GLG1: variants seen among roughly 807,000 people sequenced by gnomAD.
GLG1 encodes the protein Golgi apparatus protein 1.
A neutral mutation model predicts 160.5 loss-of-function variants in GLG1; 38 were observed. That is an observed-to-expected ratio of 0.24 (90% CI 0.18 to 0.31). GLG1 has a LOEUF of 0.31. GLG1 is among the 10% of genes least tolerant of loss of function. The pLI is 1.00. For synonymous variants in GLG1, 644 were observed against 543.4 expected (o/e 1.19, Z -2.57); for missense variants, 1,373 against 1,505.2 (o/e 0.91, Z 1.45).
intron 2 of GLG1, among the ~76,000 whole-genome samples, chr16:74,517,375 G>C (rs1003434499): frequency 1.3e-5 from 2 of 152,104 alleles, no homozygotes; most frequent in Admixed American, 6.5e-5. Context: ...TTCATCCCTG[G>C]GATGCAAGGC....
intron 20 of GLG1, 68 bp from the exon 21 acceptor site, chr16:74,462,698 C>G: frequency 7.0e-7 from 1 of 1,432,946 alleles, no homozygotes; most frequent in Non-Finnish European, 9.8e-7. Flanking sequence ...AGATATCCAC[C>G]TTCCTAAAGG....
intron 1 of GLG1, among the ~76,000 whole-genome samples, chr16:74,580,719 G>C (rs982814084): frequency 2.6e-5 from 4 of 152,114 alleles, no homozygotes; most frequent in Non-Finnish European, 5.9e-5. Context: ...GAGTGAAAAG[G>C]CAACCTATGA....
chr16:74,469,831 C>G, intron 16 of GLG1, 154 bp downstream of exon 16: 1 of 636,022 alleles, frequency 1.6e-6, no homozygotes, highest in South Asian at 1.8e-5. Context: ...CCAGACAGTC[C>G]GAGTGTTTGC....
chr16:74,506,943 C>G (rs1464423383), intron 3 of GLG1, among the ~76,000 whole-genome samples: 1 of 152,254 alleles, frequency 6.6e-6, no homozygotes, highest in East Asian at 1.9e-4. Flanking sequence ...ATGCTGCAGT[C>G]ACTCTATTTT....
rs2014391098 is a variant in GLG1, at chr16:74,453,115, G to A, written c.*52C>T. The A allele has an allele frequency of 2.3e-5, 36 of 1,594,526 alleles. No individual in the cohort carries two copies. The highest frequency in any genetic ancestry group is 2.9e-5 in the Non-Finnish European group (34 of 1,170,204). On this transcript the variant is annotated 3_prime_UTR_variant, in exon 26 of 26. Coordinates refer to ENST00000422840, the MANE Select transcript of GLG1 (RefSeq NM_001145667.2). ...GTGAGTGGGGATGCTATACAAGAGG[G>A]CTGTACAAACTGGGCACTGGATAGG...
At chr16:74,588,022 C>G (rs1012667721) in intron 1 of GLG1, among the ~76,000 whole-genome samples, 5 of 150,514 alleles carry the variant, frequency 3.3e-5, no homozygotes, top group Admixed American at 2.7e-4. Context: ...CTGAAAACTA[C>G]AAAAGAAAAC....
At chr16:74,598,270 C>T (rs1388719682) in intron 1 of GLG1, among the ~76,000 whole-genome samples, 1 of 151,796 alleles carries the variant, frequency 6.6e-6, no homozygotes, top group Non-Finnish European at 1.5e-5. Flanking sequence ...GCCTGTAATC[C>T]CAGCACTTTG....
intron 24 of GLG1, among the ~76,000 whole-genome samples, 176 bp downstream of exon 24, chr16:74,457,698 A>G (rs949421919): frequency 1.3e-5 from 2 of 152,194 alleles, no homozygotes; most frequent in East Asian, 1.9e-4. Flanking sequence ...TCCTAAATTC[A>G]TGATGCCATA....
chr16:74,524,534 G>T (rs1386005549), intron 2 of GLG1, among the ~76,000 whole-genome samples: 1 of 151,012 alleles, frequency 6.6e-6, no homozygotes, highest in Non-Finnish European at 1.5e-5. Context: ...CAGTACTATG[G>T]TCTTTTTTTT....
At chr16:74,549,773 A>C (rs1285965937) in intron 1 of GLG1, among the ~76,000 whole-genome samples, 1 of 151,862 alleles carries the variant, frequency 6.6e-6, no homozygotes, top group Non-Finnish European at 1.5e-5. Flanking sequence ...AGTTTGGATG[A>C]AGTCCACAAT....
At chr16:74,493,251 G>T in intron 6 of GLG1, 111 bp from the exon 7 acceptor site, 1 of 640,150 alleles carries the variant, frequency 1.6e-6, no homozygotes, top group Non-Finnish European at 2.7e-6. Context: ...AACAACTGCA[G>T]TTATTACCAA....
At chr16:74,536,791 G>T (rs2017699270) in intron 1 of GLG1, among the ~76,000 whole-genome samples, 1 of 152,148 alleles carries the variant, frequency 6.6e-6, no homozygotes. Flanking sequence ...TTTTTCAAAT[G>T]ATAGGAAGAA....
At chr16:74,552,900 G>A (rs2018242171) in intron 1 of GLG1, among the ~76,000 whole-genome samples, 1 of 151,966 alleles carries the variant, frequency 6.6e-6, no homozygotes, top group East Asian at 1.9e-4. Flanking sequence ...TGTGTCACAG[G>A]CCCTTATTTT....
intron 1 of GLG1, among the ~76,000 whole-genome samples, chr16:74,543,392 A>G (rs1456549877): frequency 1.3e-5 from 2 of 152,218 alleles, no homozygotes; most frequent in African/African-American, 4.8e-5. Flanking sequence ...TCTTAAGACC[A>G]GGAGTTGGAG....
At chr16:74,466,499 C>T (rs890686917) in intron 18 of GLG1, among the ~76,000 whole-genome samples, 6 of 152,070 alleles carry the variant, frequency 3.9e-5, no homozygotes, top group East Asian at 1.9e-4. Context: ...ATGAGACTTC[C>T]GGGAAATCGT....
intron 2 of GLG1, among the ~76,000 whole-genome samples, chr16:74,530,794 A>G (rs1165889645): frequency 6.6e-6 from 1 of 152,088 alleles, no homozygotes; most frequent in Non-Finnish European, 1.5e-5. Context: ...GAACCCATTT[A>G]TCAAATTTTT....
intron 7 of GLG1, among the ~76,000 whole-genome samples, chr16:74,491,434 CAGGTTTTATA>C (rs1315445617): frequency 2.6e-5 from 4 of 152,176 alleles, no homozygotes; most frequent in African/African-American, 4.8e-5. Flanking sequence ...CTGCATGAAA[CAGGTTTTATA>C]CTACTGCACT....
chr16:74,493,270 T>A (rs548540492), intron 6 of GLG1, 130 bp from the exon 7 acceptor site: 6 of 589,042 alleles, frequency 1.0e-5, no homozygotes, highest in East Asian at 8.7e-5. Flanking sequence ...AACATATCTA[T>A]CTTTAAGTTT....
At chr16:74,560,314 C>G (rs1597347603) in intron 1 of GLG1, among the ~76,000 whole-genome samples, 1 of 148,044 alleles carries the variant, frequency 6.8e-6, no homozygotes, top group African/African-American at 2.5e-5. Flanking sequence ...GAATTGGGAC[C>G]TCAGTTTTTG....
Sources: gnomAD v4.1 joint callset for allele counts (sites outside exome capture counted in the v4.1 genomes callset) on GRCh38, gnomAD v4.1.1 for gene constraint, MANE v1.5 for transcripts, NCBI Gene and HGNC (gene_info 2026-07-23, HGNC 2026-07-21) for gene names.